The following NEK7 variants were observed in gnomAD, a reference collection of about 807,000 sequenced individuals.
NEK7 encodes NIMA related kinase 7, also known as serine/threonine-protein kinase Nek7.
A neutral mutation model predicts 44.6 loss-of-function variants in NEK7; 18 were observed. The ratio of observed to expected loss-of-function variants is 0.40; its 90% CI spans 0.28 to 0.60. The LOEUF (loss-of-function observed/expected upper bound fraction) is 0.60, where lower values mean the gene tolerates loss of function less well. Among genes scored for constraint, NEK7 ranks in the 20% least tolerant of loss-of-function variants. The probability of loss-of-function intolerance (pLI) is 0.38; values close to 1 mark genes in which losing one functional copy is unlikely to be tolerated. For missense variants in NEK7, 256 were observed against 366.5 expected, an observed-to-expected ratio of 0.70 and a Z score of 2.46; for synonymous variants, 130 against 121.1, an observed-to-expected ratio of 1.07 and a Z score of -0.48.
chr1:198,212,019 AGT>A, intron 1 of NEK7, among the ~76,000 whole-genome samples: 1 of 152,204 alleles, frequency 6.6e-6, no homozygotes, highest in Admixed American at 6.5e-5. Flanking sequence ...AGCAATGGGA[AGT>A]CTATGAGAAG....
intron 9 of NEK7, among the ~76,000 whole-genome samples, chr1:198,310,108 G>A (rs1257685975): frequency 1.3e-5 from 2 of 152,158 alleles, no homozygotes; most frequent in East Asian, 3.9e-4. Flanking sequence ...AGCACCTGTT[G>A]TTTCCTGACT....
intron 3 of NEK7, among the ~76,000 whole-genome samples, chr1:198,257,422 A>T (rs1653304530): frequency 6.6e-6 from 1 of 152,196 alleles, no homozygotes; most frequent in South Asian, 2.1e-4. Context: ...ATTAGAAATT[A>T]GGATTATATA....
chr1:198,234,505 T>C (rs1274350315), intron 2 of NEK7, among the ~76,000 whole-genome samples: 1 of 152,184 alleles, frequency 6.6e-6, no homozygotes, highest in Non-Finnish European at 1.5e-5. Context: ...GTTATGATTT[T>C]GAGATTCACA....
intron 9 of NEK7, among the ~76,000 whole-genome samples, chr1:198,315,827 G>A (rs1015504857): frequency 5.3e-5 from 8 of 152,166 alleles, no homozygotes; most frequent in African/African-American, 1.9e-4. Context: ...CATGTTTAAT[G>A]TGAATATTTA....
In NEK7 at chr1:198,293,013, T is replaced by C; in HGVS notation, c.658T>C (p.Trp220Arg). ...TGGATACAACTTCAAATCTGACATC[T>C]GGTCTCTTGGCTGTCTACTATATGA... ...ENGYNFKSDI[W>R]SLGCLLYEMA... is the part of the protein sequence containing the mutation. The change falls in exon 8 of 10, where the codon TGG becomes CGG. Residue 220 changes from tryptophan to arginine, a missense_variant. By Grantham distance (101) the Trp-to-Arg change is moderately radical. Coordinates refer to ENST00000367385, the MANE Select transcript of NEK7 (RefSeq NM_133494.3). 6.3e-7 allele frequency: 1 copy of C among 1,587,816 alleles called. No homozygotes were observed. Among genetic ancestry groups the C allele is most frequent in the Non-Finnish European group, 8.6e-7 (1 of 1,156,478 alleles).
At chr1:198,197,924 T>C (rs1167829605) in intron 1 of NEK7, 3 of 1,418,160 alleles carry the variant, frequency 2.1e-6, no homozygotes, top group Non-Finnish European at 3.0e-6. Context: ...AGCCAAGGGA[T>C]TCACAGGAGG....
chr1:198,252,548 ATATATATATATATATATAT>A (rs1558079160), intron 2 of NEK7, among the ~76,000 whole-genome samples: 31 of 59,494 alleles, frequency 5.2e-4, no homozygotes, highest in East Asian at 5.0e-3. Context: ...ATATATATAT[ATATATATATATATATATAT>A]AAAAAGTACA....
At chr1:198,306,602 T>C (rs911149258) in intron 9 of NEK7, among the ~76,000 whole-genome samples, 7 of 152,176 alleles carry the variant, frequency 4.6e-5, no homozygotes, top group African/African-American at 1.4e-4. Context: ...AAAGTGGTAT[T>C]ATAATTTTGT....
intron 1 of NEK7, among the ~76,000 whole-genome samples, chr1:198,195,940 A>G (rs552962869): frequency 1.6e-4 from 24 of 152,228 alleles, no homozygotes; most frequent in South Asian, 4.1e-4. Flanking sequence ...TTTTCTTCCA[A>G]TGGTCTGAGA....
At chr1:198,210,060 G>A (rs867946364) in intron 1 of NEK7, among the ~76,000 whole-genome samples, 18 of 152,058 alleles carry the variant, frequency 1.2e-4, no homozygotes, top group South Asian at 4.1e-4. Context: ...GGCCTCCCAA[G>A]GTGCTAGGAT....
chr1:198,238,430 A>G (rs542854143), intron 2 of NEK7, among the ~76,000 whole-genome samples: 3 of 152,092 alleles, frequency 2.0e-5, no homozygotes, highest in South Asian at 2.1e-4. Flanking sequence ...TATTGCAGTC[A>G]TCTTCTGACC....
At chr1:198,173,735 A>G (rs1664520987) in intron 1 of NEK7, among the ~76,000 whole-genome samples, 1 of 152,142 alleles carries the variant, frequency 6.6e-6, no homozygotes, top group Non-Finnish European at 1.5e-5. Context: ...TTGAAAGCCT[A>G]TAGTCAGTAT....
intron 1 of NEK7, among the ~76,000 whole-genome samples, chr1:198,161,173 G>A (rs996454823): frequency 6.6e-6 from 1 of 152,144 alleles, no homozygotes; most frequent in African/African-American, 2.4e-5. Context: ...TGAGAAATAC[G>A]TGTTTTCTGT....
chr1:198,274,989 G>A (rs927483704), intron 5 of NEK7, among the ~76,000 whole-genome samples: 1 of 151,718 alleles, frequency 6.6e-6, no homozygotes, highest in Non-Finnish European at 1.5e-5. Flanking sequence ...TAAGTGAAAT[G>A]ATGGTAATCT....
At chr1:198,157,529 G>A (rs1414005083) in intron 1 of NEK7, among the ~76,000 whole-genome samples, 3 of 152,230 alleles carry the variant, frequency 2.0e-5, no homozygotes, top group Non-Finnish European at 4.4e-5. Flanking sequence ...GCCCGAGGCC[G>A]CCAAGGGCGC....
At chr1:198,288,687 C>T (rs974960260) in intron 7 of NEK7, among the ~76,000 whole-genome samples, 3 of 152,210 alleles carry the variant, frequency 2.0e-5, no homozygotes, top group South Asian at 2.1e-4. Flanking sequence ...TAATAGTCCC[C>T]GTTTTCACTG....
chr1:198,317,880 T>TTTG (rs1553258426), intron 9 of NEK7, among the ~76,000 whole-genome samples: 13,955 of 123,590 alleles, frequency 0.11, 1,399 homozygotes, highest in South Asian at 0.22. Flanking sequence ...TATATTTATT[T>TTTG]TTTTTTTTTT....
Position 198,253,089 on chromosome 1 carries a change from TAGAAA to T in NEK7, c.114_118del (p.Lys38AsnfsTer7). The T allele has an allele frequency of 1.2e-6, 2 of 1,612,372 alleles. No homozygotes were observed. Among genetic ancestry groups the T allele is most frequent in the Non-Finnish European group, 8.5e-7 (1 of 1,178,750 alleles). ...TATAATACATTAGCCAACTTTCGAA[TAGAAA>T]AGAAAATTGGTCGCGGACAATTTAG... On this transcript the variant is annotated frameshift_variant, in exon 3 of 10. Coordinates refer to ENST00000367385, the MANE Select transcript of NEK7 (RefSeq NM_133494.3). LOFTEE classifies it high-confidence loss of function.
At chr1:198,200,861 T>C (rs911013484) in intron 1 of NEK7, among the ~76,000 whole-genome samples, 1 of 152,174 alleles carries the variant, frequency 6.6e-6, no homozygotes, top group African/African-American at 2.4e-5. Flanking sequence ...CTTTGGTGCT[T>C]TCTATACTCC....
Sources: allele counts gnomAD v4.1 joint callset (sites outside exome capture counted in the v4.1 genomes callset), GRCh38; gene constraint gnomAD v4.1.1; transcripts MANE v1.5; gene names NCBI Gene and HGNC (gene_info 2026-07-23, HGNC 2026-07-21).